Variants in LIN28A observed in about 807,000 individuals in gnomAD.
LIN28A encodes protein lin-28 homolog A.
Under a neutral mutation model 21.1 loss-of-function variants are expected in LIN28A, and 11 were observed. That is an observed-to-expected ratio of 0.52 (90% confidence interval 0.33 to 0.86). LIN28A has a LOEUF of 0.86. LIN28A is among the 40% of genes least tolerant of loss of function. The pLI is 0.03. For missense variants in LIN28A, 219 were observed against 279.8 expected, an observed-to-expected ratio of 0.78 and a Z score of 1.55; for synonymous variants, 111 against 108.7, an observed-to-expected ratio of 1.02 and a Z score of -0.13.
Position 26,411,426 on chromosome 1 carries a change from G to T in LIN28A, c.72G>T (p.Ala24=), listed in dbSNP as rs1372935797. ...CGGCAGAAGAGGCGCCCGAGGAGGC[G>T]CCGGAGGACGCGGCCCGGGCGGCGG... ...AKAAEEAPEE[A]PEDAARAADE... The change falls in exon 2 of 4, where the codon GCG becomes GCT. Residue 24 remains alanine (A), a synonymous_variant. Transcript: ENST00000326279. This position sits in a 1 kb window ranked among gnomAD's most constrained non-coding sequence, Gnocchi z 5.4. The T allele has an allele frequency of 2.5e-6, 4 of 1,605,478 alleles. No individual in the cohort carries two copies. Among genetic ancestry groups the T allele is most frequent in the East Asian group, 2.2e-5 (1 of 44,460 alleles).
rs945700907 is a variant in LIN28A at position 26,410,942 on chromosome 1, C to T, written c.31+20C>T. ...TTGCAGGTTCGAGCTCGGGACTTAG[C>T]GGGGACACTTTAGGATTCAGGGGCG... On this transcript the variant is annotated intron_variant, in intron 1 of 3. Transcript: ENST00000326279. The T allele has an allele frequency of 1.6e-5, 26 of 1,604,980 alleles. No individual in the cohort carries two copies. In the Admixed American group the frequency reaches 2.8e-4, roughly 17 times the overall value.
rs778724822 is a variant in LIN28A at position 26,410,850 on chromosome 1, C to T, written c.-42C>T. ...TTCGGACTTCTCCGGGGCCAGCAGC[C>T]GCCCGACCAGGGGCCCGGGGCCACG... On this transcript the variant is annotated 5_prime_UTR_variant, in exon 1 of 4. Coordinates refer to ENST00000326279, the MANE Select transcript of LIN28A (RefSeq NM_024674.6). 2 of 1,609,250 alleles carry T rather than the reference C, an allele frequency of 1.2e-6. No individual in the cohort carries two copies. The highest frequency in any genetic ancestry group is 1.7e-6 in the Non-Finnish European group (2 of 1,176,768).
At chr1:26,412,464 C>T (rs1019582525) in intron 2 of LIN28A, among the ~76,000 whole-genome samples, 1 of 152,166 alleles carries the variant, frequency 6.6e-6, no homozygotes, top group African/African-American at 2.4e-5. Context: ...CCAGGCTTCC[C>T]CTTCCTGAAT....
At chr1:26,413,749 C>CTT (rs544927833) in intron 2 of LIN28A, among the ~76,000 whole-genome samples, 117 of 151,932 alleles carry the variant, frequency 7.7e-4, no homozygotes, top group African/African-American at 2.7e-3. Flanking sequence ...CCTCCAACCC[C>CTT]ACCTTAACCG....
chr1:26,411,013 G>A lies in LIN28A; in HGVS notation c.31+91G>A, dbSNP rs1297044293. 2.7e-6 allele frequency: 4 copies of A among 1,490,498 alleles called. No individual in the cohort carries two copies. Among genetic ancestry groups the A allele is most frequent in the African/African-American group, 1.4e-5 (1 of 70,298 alleles). 92.3% of individuals were successfully genotyped at this position (1,490,498 alleles called of 1,614,324 possible). On this transcript the variant is annotated intron_variant, in intron 1 of 3. Coordinates refer to ENST00000326279, the MANE Select transcript of LIN28A (RefSeq NM_024674.6). The surrounding 1 kb of genome is among the most constrained non-coding windows in gnomAD (Gnocchi z 5.4). ...GAGGTGGGGAACTGAGTCCTAGGCT[G>A]CCCAAAGGACCCCAAGACGGTGCGG...
At chr1:26,417,446 C>T (rs1330428848) in intron 2 of LIN28A, among the ~76,000 whole-genome samples, 1 of 152,184 alleles carries the variant, frequency 6.6e-6, no homozygotes, top group Admixed American at 6.5e-5. Context: ...GATGTGACAC[C>T]ACAGGACTGA....
rs749996145 is a variant in LIN28A, at chr1:26,425,328, G to A, written c.254G>A (p.Arg85Gln). 2.5e-6 allele frequency: 4 copies of A among 1,613,592 alleles called. No homozygotes were observed. The highest frequency in any genetic ancestry group is 1.3e-5 in the African/African-American group (1 of 74,882). The change falls in exon 3 of 4, where the codon CGG (arginine) becomes CAG (glutamine). Residue 85 changes from arginine to glutamine, a missense_variant. Coordinates refer to ENST00000326279, the MANE Select transcript of LIN28A (RefSeq NM_024674.6). The part of the protein sequence containing the change: ...HQSKLHMEGF[R>Q]SLKEGEAVEF... ...AGTAAGCTGCACATGGAAGGGTTCC[G>A]GAGCTTGAAGGAGGGTGAGGCAGTG...
At chr1:26,415,240 A>T (rs1272016044) in intron 2 of LIN28A, among the ~76,000 whole-genome samples, 1 of 152,206 alleles carries the variant, frequency 6.6e-6, no homozygotes, top group Non-Finnish European at 1.5e-5. Context: ...AACTGCTGAA[A>T]TTGCCCTGTA....
intron 2 of LIN28A, among the ~76,000 whole-genome samples, chr1:26,422,058 G>C (rs964041186): frequency 1.3e-5 from 2 of 148,832 alleles, no homozygotes; most frequent in African/African-American, 4.9e-5. Flanking sequence ...ACCCAGCCTG[G>C]AGCACAGTTG....
intron 2 of LIN28A, among the ~76,000 whole-genome samples, chr1:26,415,184 C>T (rs1321126357): frequency 6.6e-6 from 1 of 152,084 alleles, no homozygotes; most frequent in African/African-American, 2.4e-5. Flanking sequence ...CAGATTTGAC[C>T]AAGGGACCAA....
chr1:26,411,715 A>G lies in LIN28A; in HGVS notation c.228+133A>G. 1 of 853,546 alleles carries G rather than the reference A, an allele frequency of 1.2e-6. No individual in the cohort carries two copies. The highest frequency in any genetic ancestry group is 1.6e-5 in the South Asian group (1 of 61,494). The allele number at this position is 853,546 out of a possible 1,614,324, so 52.9% of individuals were successfully genotyped here. ...TATGCATCCCTGTCTTTGCTTCGGCACCCCAATTCTGAGTCCCTGTTAACT... is the reference window on the plus strand; with the variant it reads ...TATGCATCCCTGTCTTTGCTTCGGCGCCCCAATTCTGAGTCCCTGTTAACT... On this transcript the variant is annotated intron_variant, in intron 2 of 3. Coordinates refer to ENST00000326279, the MANE Select transcript of LIN28A (RefSeq NM_024674.6). This position sits in a 1 kb window ranked among gnomAD's most constrained non-coding sequence, Gnocchi z 5.4.
chr1:26,426,208 T>C, intron 3 of LIN28A, 34 bp from the exon 4 acceptor site: 1 of 1,583,458 alleles, frequency 6.3e-7, no homozygotes, highest in South Asian at 1.1e-5. Context: ...TTCTTGCTCC[T>C]TTCTCTTACT....
intron 2 of LIN28A, among the ~76,000 whole-genome samples, chr1:26,414,195 A>G (rs2074979741): frequency 6.6e-6 from 1 of 152,040 alleles, no homozygotes; most frequent in South Asian, 2.1e-4. Flanking sequence ...CACAGGATAA[A>G]TTGTTTACTG....
At chr1:26,412,082 A>G (rs1490129508) in intron 2 of LIN28A, among the ~76,000 whole-genome samples, 1 of 152,056 alleles carries the variant, frequency 6.6e-6, no homozygotes, top group East Asian at 1.9e-4. Context: ...TTTAATGCAG[A>G]CCTCACCTGG....
At chr1:26,418,342 C>T (rs962932236) in intron 2 of LIN28A, among the ~76,000 whole-genome samples, 1 of 151,992 alleles carries the variant, frequency 6.6e-6, no homozygotes, top group African/African-American at 2.4e-5. Context: ...GTCAGGAGAT[C>T]GAGACCATCC....
At chr1:26,420,318 A>G (rs1410244121) in intron 2 of LIN28A, among the ~76,000 whole-genome samples, 1 of 152,028 alleles carries the variant, frequency 6.6e-6, no homozygotes, top group African/African-American at 2.4e-5. Context: ...CGAGAGAGGT[A>G]TTGCACCCGG....
intron 2 of LIN28A, among the ~76,000 whole-genome samples, chr1:26,415,372 T>C (rs1373178433): frequency 6.6e-6 from 1 of 152,160 alleles, no homozygotes; most frequent in African/African-American, 2.4e-5. Flanking sequence ...TGGGGAAATA[T>C]ACGGAATCTT....
chr1:26,429,656 T>TCTTCC lies in LIN28A; in HGVS notation c.*3208_*3212dup, dbSNP rs2075081237. 2.0e-5 allele frequency: 3 copies of TCTTCC among 152,256 alleles called. No individual in the cohort carries two copies. Among genetic ancestry groups the TCTTCC allele is most frequent in the Admixed American group, 2.0e-4 (3 of 15,284 alleles). 9.4% of individuals were successfully genotyped at this position (152,256 alleles called of 1,614,324 possible). ...TAATCATTTTTTAACACAAGCTGACTCTTCCCTTCCCTTCTCCTTTCCCTG... is the reference window on the plus strand; with the variant it reads ...TAATCATTTTTTAACACAAGCTGACTCTTCCCTTCCCTTCCCTTCTCCTTTCCCTG... On this transcript the variant is annotated 3_prime_UTR_variant, in exon 4 of 4. Coordinates refer to ENST00000326279, the MANE Select transcript of LIN28A (RefSeq NM_024674.6).
At chr1:26,413,576 T>G (rs1302552579) in intron 2 of LIN28A, among the ~76,000 whole-genome samples, 1 of 152,192 alleles carries the variant, frequency 6.6e-6, no homozygotes, top group Non-Finnish European at 1.5e-5. Flanking sequence ...GTTGAGTAAG[T>G]TGTCAATAGG....
Sources: gnomAD v4.1 joint callset for allele counts (sites outside exome capture counted in the v4.1 genomes callset) on GRCh38, gnomAD v4.1.1 for gene constraint, Gnocchi (gnomAD v3.1) non-coding constraint, MANE v1.5 for transcripts, NCBI Gene and HGNC (gene_info 2026-07-23, HGNC 2026-07-21) for gene names.